The following TDRD1 variants were observed in gnomAD, a reference collection of about 807,000 sequenced individuals.
TDRD1 encodes tudor domain-containing protein 1.
A neutral mutation model predicts 140.6 loss-of-function variants in TDRD1; 37 were observed. The observed-to-expected ratio is 0.26, with a 90% CI of 0.20 to 0.35. The LOEUF (loss-of-function observed/expected upper bound fraction) is 0.35. Ranked by LOEUF, TDRD1 falls within the 10% of genes least tolerant of loss-of-function variation. TDRD1 has a pLI of 1.00. For synonymous variants in TDRD1, 506 were observed against 475.7 expected (o/e 1.06, Z -0.83); for missense variants, 1,243 against 1,393.0 (o/e 0.89, Z 1.71).
At chr10:114,202,566 C>T (rs539963449) in intron 6 of TDRD1, among the ~76,000 whole-genome samples, 9 of 152,194 alleles carry the variant, frequency 5.9e-5, no homozygotes, top group African/African-American at 2.2e-4. Context: ...ATGTGCTGTA[C>T]TCTAATAGGG....
chr10:114,187,062 G>A (rs1412480190), intron 1 of TDRD1, among the ~76,000 whole-genome samples: 2 of 152,158 alleles, frequency 1.3e-5, no homozygotes, highest in Non-Finnish European at 1.5e-5. Context: ...AGGGCACTTA[G>A]AATTCTTTAA....
At chr10:114,231,465 T>A (rs768274739) in intron 25 of TDRD1, 1 of 1,584,636 alleles carries the variant, frequency 6.3e-7, no homozygotes, top group Non-Finnish European at 8.6e-7. Flanking sequence ...ATAATGATAG[T>A]TGATTTTTTT....
chr10:114,190,928 G>A (rs747630714), intron 2 of TDRD1, 33 bp from the exon 3 acceptor site: 16 of 1,600,794 alleles, frequency 1.0e-5, no homozygotes, highest in East Asian at 2.2e-5. Flanking sequence ...GTATTATTTG[G>A]CTTTTATTTG....
At chr10:114,200,847 C>CTTT (rs33964094) in intron 4 of TDRD1, among the ~76,000 whole-genome samples, 81 of 80,402 alleles carry the variant, frequency 1.0e-3, no homozygotes, top group Admixed American at 1.5e-3. Flanking sequence ...TTGCTGCTGC[C>CTTT]TTTTTTTTTT....
At chr10:114,199,138 C>A in intron 3 of TDRD1, 35 bp from the exon 4 acceptor site, 1 of 1,590,042 alleles carries the variant, frequency 6.3e-7, no homozygotes, top group South Asian at 1.2e-5. Flanking sequence ...AAGTTATTGC[C>A]AAATTCTAAC....
chr10:114,179,740 A>C (rs926441854), intron 1 of TDRD1: 2 of 152,232 alleles, frequency 1.3e-5, no homozygotes, highest in Non-Finnish European at 2.9e-5. Flanking sequence ...ATTAACATTT[A>C]CTAGACTTTT....
chr10:114,175,866 G>A (rs146465038), upstream of TDRD1, among the ~76,000 whole-genome samples: 461 of 152,082 alleles, frequency 3.0e-3, 2 homozygotes, highest in Middle Eastern at 0.024. Flanking sequence ...GACCCTCTTG[G>A]AAAGATGCCA....
intron 21 of TDRD1, among the ~76,000 whole-genome samples, chr10:114,222,967 T>G (rs1443472022): frequency 6.6e-6 from 1 of 152,206 alleles, no homozygotes; most frequent in Non-Finnish European, 1.5e-5. Flanking sequence ...AACCACACTA[T>G]TCTAGTGGAT....
chr10:114,200,050 C>T (rs2034627386), intron 4 of TDRD1, among the ~76,000 whole-genome samples: 1 of 152,170 alleles, frequency 6.6e-6, no homozygotes, highest in Admixed American at 6.5e-5. Flanking sequence ...AAGGTATTGT[C>T]CCATTTTCTT....
chr10:114,229,815 A>AT (rs199773341), intron 25 of TDRD1, among the ~76,000 whole-genome samples: 2,104 of 138,662 alleles, frequency 0.015, 41 homozygotes, highest in African/African-American at 0.057. Flanking sequence ...ATATATATAT[A>AT]TATTTTTTTT....
intron 18 of TDRD1, among the ~76,000 whole-genome samples, chr10:114,219,587 A>ATT (rs11327196): frequency 6.7e-5 from 9 of 135,140 alleles, no homozygotes; most frequent in East Asian, 2.1e-4. Context: ...TCTTTTTTTA[A>ATT]TTTTTTTTTT....
intron 16 of TDRD1, among the ~76,000 whole-genome samples, 174 bp from the exon 17 acceptor site, chr10:114,217,371 C>A (rs903407168): frequency 2.0e-5 from 3 of 152,126 alleles, no homozygotes; most frequent in Non-Finnish European, 4.4e-5. Flanking sequence ...AACTAAATAA[C>A]AACTTATTTG....
chr10:114,179,651 A>G (rs2032865558), intron 1 of TDRD1: 1 of 152,214 alleles, frequency 6.6e-6, no homozygotes, highest in Non-Finnish European at 1.5e-5. Flanking sequence ...TTCAAATGCA[A>G]ACGTTCACCT....
At chr10:114,219,544 CTGTT>C (rs1329026378) in intron 18 of TDRD1, among the ~76,000 whole-genome samples, 1 of 150,308 alleles carries the variant, frequency 6.7e-6, no homozygotes, top group African/African-American at 2.4e-5. Flanking sequence ...TAATCTGTTT[CTGTT>C]TATTTTATAA....
chr10:114,227,241 A>G (rs917087933), exon 23 of TDRD1: 27 of 1,614,110 alleles, frequency 1.7e-5, no homozygotes, highest in African/African-American at 6.7e-5. Flanking sequence ...CTGATAAGCT[A>G]GTGACATTTG....
intron 20 of TDRD1, 129 bp downstream of exon 20, chr10:114,221,605 A>G: frequency 1.1e-6 from 1 of 902,490 alleles, no homozygotes; most frequent in Non-Finnish European, 1.7e-6. Context: ...AACTGATCAT[A>G]ACACTTAAGG....
At chr10:114,224,149 G>T (rs2036304722) in intron 21 of TDRD1, among the ~76,000 whole-genome samples, 1 of 152,182 alleles carries the variant, frequency 6.6e-6, no homozygotes, top group Non-Finnish European at 1.5e-5. Context: ...TATCTCCCAT[G>T]TTTGAAAAAG....
chr10:114,213,500 T>C (rs2035618686), exon 15 of TDRD1: 13 of 1,613,818 alleles, frequency 8.1e-6, no homozygotes, highest in Non-Finnish European at 1.1e-5. Flanking sequence ...CTCATGTCAG[T>C]GTTAGCAAAG....
Position 114,211,242 on chromosome 10 carries a change from G to C in TDRD1, c.1660+275G>C, listed in dbSNP as rs1411073535. Among the ~76,000 whole-genome samples the C allele has an allele frequency of 3.3e-5, 5 of 152,136 alleles. No individual in the cohort carries two copies. In the South Asian group the frequency reaches 8.3e-4, roughly 25 times the overall value. ...GTTATTTTGTCAGCCTTTTGGTTTT[G>C]GGGACTGGTAAAGATAATTTGGTTT... On this transcript the variant is annotated intron_variant, in intron 13 of 25. Transcript: ENST00000251864.
Sources: allele counts gnomAD v4.1 joint callset (sites outside exome capture counted in the v4.1 genomes callset), GRCh38; gene constraint gnomAD v4.1.1; transcripts MANE v1.5; gene names NCBI Gene and HGNC (gene_info 2026-07-23, HGNC 2026-07-21).